Variants in MEGF10 observed in about 807,000 individuals in gnomAD.
The protein encoded by MEGF10 is multiple EGF like domains 10.
In MEGF10, 86 loss-of-function variants were observed where a neutral mutation model predicts 147.5. The observed-to-expected ratio is 0.58, with a 90% confidence interval of 0.49 to 0.70. The LOEUF is 0.70. Ranked by LOEUF, MEGF10 falls within the 30% of genes least tolerant of loss-of-function variation. The pLI, the probability that MEGF10 is intolerant of heterozygous loss-of-function variation, is 0.00. For synonymous variants in MEGF10, 478 were observed against 525.5 expected (o/e 0.91, Z 1.24); for missense variants, 1,329 against 1,487.3 (o/e 0.89, Z 1.75).
At chr5:127,341,625 A>AG in intron 4 of MEGF10, among the ~76,000 whole-genome samples, 1 of 152,272 alleles carries the variant, frequency 6.6e-6, no homozygotes, top group Admixed American at 6.5e-5. Context: ...GTATGCAGAC[A>AG]GGGGCAGCTC....
chr5:127,251,711 G>GA, the MEGF10 span, among the ~76,000 whole-genome samples: 1 of 151,778 alleles, frequency 6.6e-6, no homozygotes, highest in Non-Finnish European at 1.5e-5. Context: ...CATAGCTGCA[G>GA]AAAAAATATA....
chr5:127,341,860 A>AT (rs1761696374), intron 4 of MEGF10, among the ~76,000 whole-genome samples: 1 of 152,124 alleles, frequency 6.6e-6, no homozygotes, highest in Non-Finnish European at 1.5e-5. Flanking sequence ...CAATTTCCAA[A>AT]TTTTACCTAT....
chr5:127,424,296 A>G, intron 13 of MEGF10: 1 of 702,630 alleles, frequency 1.4e-6, no homozygotes, highest in Non-Finnish European at 2.6e-6. Context: ...AAGCATTAAA[A>G]CTGAGAAATT....
At chr5:127,351,750 C>T (rs1045368202) in intron 4 of MEGF10, among the ~76,000 whole-genome samples, 7 of 152,312 alleles carry the variant, frequency 4.6e-5, no homozygotes, top group African/African-American at 1.7e-4. Flanking sequence ...TAACTTCACA[C>T]TACACATGGA....
intron 4 of MEGF10, among the ~76,000 whole-genome samples, chr5:127,341,457 A>G (rs1761680998): frequency 6.6e-6 from 1 of 152,118 alleles, no homozygotes; most frequent in South Asian, 2.1e-4. Context: ...TCAGCTTAAG[A>G]ATCTGGAAAG....
At chr5:127,236,039 C>T in the MEGF10 span, among the ~76,000 whole-genome samples, 2 of 151,772 alleles carry the variant, frequency 1.3e-5, no homozygotes, top group African/African-American at 2.4e-5. Flanking sequence ...GGGGTGCGAT[C>T]TCGGCTCACT....
chr5:127,437,415 A>AAAAACG (rs1765595997), intron 16 of MEGF10, among the ~76,000 whole-genome samples: 3 of 117,036 alleles, frequency 2.6e-5, no homozygotes, highest in Non-Finnish European at 4.1e-5. Flanking sequence ...GCTCTTGGAC[A>AAAAACG]TGGTGCACAC....
intron 1 of MEGF10, among the ~76,000 whole-genome samples, chr5:127,317,756 C>T (rs1173202019): frequency 1.3e-5 from 2 of 152,034 alleles, no homozygotes; most frequent in African/African-American, 4.8e-5. Context: ...GTCATGTGTC[C>T]CCTGTCATGG....
chr5:127,283,126 T>C, the MEGF10 span, among the ~76,000 whole-genome samples: 1 of 152,184 alleles, frequency 6.6e-6, no homozygotes. Context: ...ACAAGAACCC[T>C]GACTGATACA....
chr5:127,318,451 A>G (rs1168833372), intron 1 of MEGF10, among the ~76,000 whole-genome samples: 1 of 152,230 alleles, frequency 6.6e-6, no homozygotes, highest in Non-Finnish European at 1.5e-5. Flanking sequence ...AAAAAATGAT[A>G]AACAGTTTTA....
chr5:127,270,032 T>A, the MEGF10 span, among the ~76,000 whole-genome samples: 2 of 152,182 alleles, frequency 1.3e-5, no homozygotes, highest in Non-Finnish European at 2.9e-5. Context: ...AAGCAAATGC[T>A]GAGAAATTTT....
At chr5:127,305,140 G>A (rs761310286) in intron 1 of MEGF10, among the ~76,000 whole-genome samples, 29 of 152,170 alleles carry the variant, frequency 1.9e-4, no homozygotes, top group African/African-American at 2.9e-4. Context: ...TCATACATTA[G>A]TGAGGCCAAA....
At chr5:127,290,726 C>T (rs543262792), upstream of MEGF10, 2 of 153,086 alleles carry the variant, frequency 1.3e-5, no homozygotes, top group Admixed American at 6.5e-5. Flanking sequence ...GCAGCTGCAG[C>T]AGCGGCAACT....
At chr5:127,393,859 G>A (rs528717897) in intron 5 of MEGF10, among the ~76,000 whole-genome samples, 2 of 150,866 alleles carry the variant, frequency 1.3e-5, no homozygotes, top group South Asian at 4.2e-4. Flanking sequence ...AACAGAGCTG[G>A]TGTCTGCCTG....
intron 10 of MEGF10, among the ~76,000 whole-genome samples, chr5:127,418,246 G>A (rs531320868): frequency 6.6e-6 from 1 of 152,156 alleles, no homozygotes; most frequent in East Asian, 1.9e-4. Context: ...AAGTTTTTAG[G>A]TCCCTTTGAA....
chr5:127,365,730 A>G (rs1185950612), intron 4 of MEGF10, among the ~76,000 whole-genome samples: 1 of 152,232 alleles, frequency 6.6e-6, no homozygotes, highest in African/African-American at 2.4e-5. Flanking sequence ...GCCTCTAAAA[A>G]AGATCTGGAC....
At chr5:127,428,245 C>G (rs1320347770) in intron 13 of MEGF10, among the ~76,000 whole-genome samples, 1 of 144,704 alleles carries the variant, frequency 6.9e-6, no homozygotes, top group African/African-American at 2.6e-5. Context: ...CTATATAAAG[C>G]AGATTCTTTT....
the MEGF10 span, among the ~76,000 whole-genome samples, chr5:127,247,461 G>C: frequency 7.7e-3 from 1,047 of 135,730 alleles, 162 homozygotes; most frequent in African/African-American, 0.029. Flanking sequence ...AGAAGAAGAA[G>C]AAGAAGAAGA....
chr5:127,365,142 TA>T (rs1286698850), intron 4 of MEGF10, among the ~76,000 whole-genome samples: 63 of 152,314 alleles, frequency 4.1e-4, no homozygotes, highest in African/African-American at 1.4e-3. Flanking sequence ...TGGTGACAGA[TA>T]GGTTAGCTGG....
Sources: gnomAD v4.1 joint callset for allele counts (sites outside exome capture counted in the v4.1 genomes callset) on GRCh38, gnomAD v4.1.1 for gene constraint, MANE v1.5 for transcripts, NCBI Gene and HGNC (gene_info 2026-07-23, HGNC 2026-07-21) for gene names.